Variants in TMEM44 observed in about 807,000 individuals in gnomAD.
TMEM44 encodes the protein transmembrane protein 44.
In TMEM44, 43 loss-of-function variants were observed where a neutral mutation model predicts 47.8. The ratio of observed to expected loss-of-function variants is 0.90; its 90% CI spans 0.70 to 1.16. TMEM44 has a LOEUF of 1.16. TMEM44 is among the 50% of genes most tolerant of loss of function. The pLI is 0.00. For missense variants in TMEM44, 568 were observed against 555.2 expected (o/e 1.02, Z -0.23); for synonymous variants, 277 against 238.8 (o/e 1.16, Z -1.48).
chr3:194,593,105 T>C, intron 9 of TMEM44: 1 of 1,611,242 alleles, frequency 6.2e-7, no homozygotes, highest in Non-Finnish European at 8.5e-7. Context: ...AGAAAAAGTG[T>C]TGGACAGATT....
chr3:194,612,313 G>C (rs539204067), intron 7 of TMEM44, among the ~76,000 whole-genome samples: 16 of 152,284 alleles, frequency 1.1e-4, no homozygotes, highest in African/African-American at 3.1e-4. Flanking sequence ...AGAAAGAAAT[G>C]AAAATAACTT....
At chr3:194,604,146 G>A (rs1435739211) in intron 9 of TMEM44, 141 bp downstream of exon 9, 9 of 1,102,252 alleles carry the variant, frequency 8.2e-6, no homozygotes, top group Middle Eastern at 3.0e-4. Context: ...GAGCCACCGC[G>A]CCTGGCCTCA....
Position 194,604,328 on chromosome 3 carries a change from CG to C in TMEM44, c.1134del (p.Gly379AlafsTer20). Reference protein sequence around the residue: ...PVQVIRARVSSGSSSEVSSIN... With the variant: ...PVQVIRARVSXGSSSEVSSIN... ...ATGGAGGAGACCTCAGAGGAGCTGC[CG>C]GAAGACACCCGGGCCCGGATGACCT... On this transcript the variant is annotated frameshift_variant, in exon 9 of 10. Coordinates refer to ENST00000347147, the MANE Select transcript of TMEM44 (RefSeq NM_001011655.3). LOFTEE classifies it high-confidence loss of function. 1 of 1,579,542 alleles carries C rather than the reference CG, an allele frequency of 6.3e-7. No individual in the cohort carries two copies.
intron 5 of TMEM44, among the ~76,000 whole-genome samples, chr3:194,620,289 C>CAAAA (rs752649203): frequency 1.1e-4 from 6 of 55,008 alleles, no homozygotes; most frequent in African/African-American, 3.9e-4. Context: ...AACTCCGACT[C>CAAAA]AAAAAAAAAA....
In TMEM44 at chr3:194,633,419, T is replaced by G. The variant is rs1718052402; in HGVS notation, c.-204A>C. ...GCGGCGAAGGCGCCGGGGAAAAGTT[T>G]CCGGGACCGCGCGCTCCCCACCCCT... On this transcript the variant is annotated 5_prime_UTR_variant, in exon 1 of 10. Coordinates refer to ENST00000347147, the MANE Select transcript of TMEM44 (RefSeq NM_001011655.3). 6.3e-6 allele frequency: 1 copy of G among 158,608 alleles called. No homozygotes were observed. Among genetic ancestry groups the G allele is most frequent in the Admixed American group, 6.5e-5 (1 of 15,394 alleles). 9.8% of individuals were successfully genotyped at this position (158,608 alleles called of 1,614,324 possible).
chr3:194,604,442 C>T lies in TMEM44; in HGVS notation c.1021G>A (p.Gly341Ser), dbSNP rs1376953816. The T allele has an allele frequency of 2.0e-6, 3 of 1,512,752 alleles. No homozygotes were observed. The highest frequency in any genetic ancestry group is 1.8e-6 in the Non-Finnish European group (2 of 1,123,350). 93.7% of individuals were successfully genotyped at this position (1,512,752 alleles called of 1,614,324 possible). ...CCTGGCAGCCTGGTGGCACTGCAGC[C>T]TGCCTGCAAGGTGTGTGAGAAAGGG... Reference protein sequence around the residue: ...ELTIEPVQQAGCSATRLPGDG... With the variant: ...ELTIEPVQQASCSATRLPGDG... The change falls in exon 9 of 10, where the codon GGC (glycine) becomes AGC (serine). Residue 341 changes from glycine to serine, a missense_variant. By Grantham distance (56) the Gly-to-Ser change is moderately conservative. Transcript: ENST00000347147.
At chr3:194,615,425 G>T in intron 7 of TMEM44, 144 bp downstream of exon 7, 1 of 1,180,714 alleles carries the variant, frequency 8.5e-7, no homozygotes, top group Non-Finnish European at 1.2e-6. Context: ...CCCTCAGCGA[G>T]ACAGGACAGC....
intron 5 of TMEM44, among the ~76,000 whole-genome samples, chr3:194,622,168 C>T (rs1263158270): frequency 1.3e-5 from 2 of 152,204 alleles, no homozygotes; most frequent in Admixed American, 6.5e-5. Context: ...GTTTCTCAGG[C>T]GCTTTCGCAC....
At chr3:194,631,586 G>A (rs767736038) in intron 1 of TMEM44, among the ~76,000 whole-genome samples, 12 of 152,266 alleles carry the variant, frequency 7.9e-5, no homozygotes, top group Non-Finnish European at 1.0e-4. Context: ...TCCCAGAGGC[G>A]GACCCCAATT....
intron 9 of TMEM44, among the ~76,000 whole-genome samples, chr3:194,601,496 G>A (rs948724655): frequency 2.6e-5 from 4 of 152,052 alleles, no homozygotes; most frequent in Non-Finnish European, 4.4e-5. Context: ...TAGAGACTGG[G>A]TTTCTCCATG....
intron 2 of TMEM44, among the ~76,000 whole-genome samples, chr3:194,626,683 T>G (rs968666455): frequency 1.7e-5 from 2 of 120,040 alleles, no homozygotes; most frequent in Admixed American, 1.0e-4. Context: ...GTAGTTAAGT[T>G]TTTTTTTTTT....
intron 1 of TMEM44, among the ~76,000 whole-genome samples, chr3:194,630,184 G>A (rs1337672377): frequency 1.5e-4 from 9 of 59,536 alleles, no homozygotes; most frequent in East Asian, 9.3e-4. Flanking sequence ...TTCCATCGGC[G>A]TCACTGATAG....
At chr3:194,617,299 G>GGGGGGGGT in intron 5 of TMEM44, 30 bp from the exon 6 acceptor site, 1 of 619,688 alleles carries the variant, frequency 1.6e-6, no homozygotes, top group Non-Finnish European at 2.7e-6. Flanking sequence ...GGCTGGGCGG[G>GGGGGGGGT]AGAAGCAGCA....
At chr3:194,602,259 G>A (rs530993132) in intron 9 of TMEM44, among the ~76,000 whole-genome samples, 61 of 152,354 alleles carry the variant, frequency 4.0e-4, no homozygotes, top group Non-Finnish European at 7.8e-4. Context: ...AACCCAGGCC[G>A]CTGTGGCTCC....
chr3:194,602,476 C>T (rs911455234), intron 9 of TMEM44, among the ~76,000 whole-genome samples: 25 of 152,172 alleles, frequency 1.6e-4, no homozygotes, highest in African/African-American at 6.0e-4. Context: ...GTGGTGGGCA[C>T]CTGTAATCCT....
At chr3:194,620,827 G>A (rs1310113121) in intron 5 of TMEM44, among the ~76,000 whole-genome samples, 11 of 151,934 alleles carry the variant, frequency 7.2e-5, no homozygotes, top group Admixed American at 7.2e-4. Context: ...AGTAGTTCGA[G>A]ACCAGCCTGG....
At chr3:194,610,507 G>A (rs556453587) in intron 8 of TMEM44, among the ~76,000 whole-genome samples, 1 of 151,968 alleles carries the variant, frequency 6.6e-6, no homozygotes, top group South Asian at 2.1e-4. Context: ...ACTTCCACCC[G>A]AGAGACTCTC....
intron 9 of TMEM44, among the ~76,000 whole-genome samples, chr3:194,596,391 T>C (rs1713414671): frequency 6.6e-6 from 1 of 152,026 alleles, no homozygotes; most frequent in South Asian, 2.1e-4. Context: ...TCCAGAGTGG[T>C]TTCTGCGCAG....
Position 194,588,423 on chromosome 3 carries a change from G to T in TMEM44, c.*106C>A. 1.0e-6 allele frequency: 1 copy of T among 954,588 alleles called. No individual in the cohort carries two copies. The highest frequency in any genetic ancestry group is 1.6e-6 in the Non-Finnish European group (1 of 622,874). The allele number at this position is 954,588 out of a possible 1,614,324, so 59.1% of individuals were successfully genotyped here. On this transcript the variant is annotated 3_prime_UTR_variant, in exon 10 of 10. Transcript: ENST00000347147. Reference sequence around the variant, plus strand: ...GGCTCCTGGTTCCTCACTTGCCAGGGCAGCTTCAGTTCCTGCCGCGGTGTC... The same window carrying T: ...GGCTCCTGGTTCCTCACTTGCCAGGTCAGCTTCAGTTCCTGCCGCGGTGTC...
Sources: gnomAD v4.1 joint callset for allele counts (sites outside exome capture counted in the v4.1 genomes callset) on GRCh38, gnomAD v4.1.1 for gene constraint, MANE v1.5 for transcripts, NCBI Gene and HGNC (gene_info 2026-07-23, HGNC 2026-07-21) for gene names.